SLC7A9: variants seen among roughly 807,000 people sequenced by gnomAD.
SLC7A9 encodes solute carrier family 7 member 9, also known as B(0,+)-type amino acid transporter 1.
SLC7A9 carries 38 observed loss-of-function variants against 54.1 expected under a neutral mutation model. The ratio of observed to expected loss-of-function variants is 0.70; its 90% confidence interval spans 0.54 to 0.92. The LOEUF (loss-of-function observed/expected upper bound fraction) is 0.92, where lower values mean the gene tolerates loss of function less well. Among genes scored for constraint, SLC7A9 ranks in the 40% least tolerant of loss-of-function variants. The pLI is 0.00. For missense variants in SLC7A9, 537 were observed against 636.1 expected (o/e 0.84, Z 1.68); for synonymous variants, 264 against 258.9 (o/e 1.02, Z -0.19).
chr19:32,849,266 A>C (rs1968392930), intron 9 of SLC7A9, among the ~76,000 whole-genome samples: 1 of 152,212 alleles, frequency 6.6e-6, no homozygotes, highest in African/African-American at 2.4e-5. Flanking sequence ...TGAAAGGATC[A>C]ACAAAATTGA....
At chr19:32,857,574 G>T (rs769786071) in intron 9 of SLC7A9, among the ~76,000 whole-genome samples, 4 of 152,324 alleles carry the variant, frequency 2.6e-5, no homozygotes, top group Non-Finnish European at 5.9e-5. Context: ...GGCTTTAGAA[G>T]AATGATTTTA....
chr19:32,841,185 G>A (rs1968117170), intron 11 of SLC7A9, among the ~76,000 whole-genome samples: 1 of 152,084 alleles, frequency 6.6e-6, no homozygotes, highest in African/African-American at 2.4e-5. Context: ...CCTTATTCTC[G>A]TCCTAGTTAC....
At chr19:32,831,554 C>T (rs1363171390) in intron 12 of SLC7A9, among the ~76,000 whole-genome samples, 4 of 152,182 alleles carry the variant, frequency 2.6e-5, no homozygotes. Context: ...TCCCAAAGTG[C>T]TGGGATTACA....
chr19:32,838,722 TTGTA>T (rs1490278052), intron 11 of SLC7A9, among the ~76,000 whole-genome samples: 2 of 148,248 alleles, frequency 1.3e-5, no homozygotes, highest in African/African-American at 4.9e-5. Flanking sequence ...GTATATGTAT[TTGTA>T]TGTATAACAG....
At position 32,862,450 on chromosome 19, in the gene SLC7A9, C is replaced by T; in HGVS notation, c.604+11G>A. ...GTGTGCCCGTGCAGGGCCCACCCTC[C>T]CGTGGGTCACCTTGGGCCAGGAGCA... On this transcript the variant is annotated intron_variant, in intron 5 of 12. Coordinates refer to ENST00000023064, the MANE Select transcript of SLC7A9 (RefSeq NM_014270.5). 6.2e-7 allele frequency: 1 copy of T among 1,612,576 alleles called. No individual in the cohort carries two copies. The highest frequency in any genetic ancestry group is 8.5e-7 in the Non-Finnish European group (1 of 1,179,996).
chr19:32,838,100 G>A (rs138419205), intron 11 of SLC7A9, among the ~76,000 whole-genome samples: 117 of 152,244 alleles, frequency 7.7e-4, no homozygotes, highest in Admixed American at 2.6e-3. Context: ...GAAGCCAAGC[G>A]GCCCTTCTGT....
intron 4 of SLC7A9, 124 bp downstream of exon 4, chr19:32,863,972 G>T: frequency 6.7e-7 from 1 of 1,500,146 alleles, no homozygotes; most frequent in Non-Finnish European, 9.2e-7. Context: ...GTACTGCAAA[G>T]GCTGATGCCA....
In SLC7A9 at chr19:32,864,635, T is replaced by G. The variant is rs766527602; in HGVS notation, c.229A>C (p.Thr77Pro). ...GGCTCCCAAGTCTCTTTACCCAGCG[T>G]CGCGAGGACCCCGCAAGCCGCCCAT... ...IIWAACGVLA[T>P]LGALCFAELG... is the part of the protein sequence containing the mutation. Residue 77 changes from threonine to proline, a missense_variant, in exon 3 of 13, where the codon ACG becomes CCG. Transcript: ENST00000023064. 34 of 1,613,512 alleles carry G rather than the reference T, an allele frequency of 2.1e-5. No homozygotes were observed. The highest frequency in any genetic ancestry group is 2.8e-5 in the Non-Finnish European group (33 of 1,180,004).
At position 32,861,543 on chromosome 19, in the gene SLC7A9, G is replaced by A. The variant is rs145044272; in HGVS notation, c.704+575C>T. 1.9e-3 allele frequency among the ~76,000 whole-genome samples: 287 copies of A among 152,304 alleles called. 1 individual carries two copies. Among genetic ancestry groups the A allele is most frequent in the African/African-American group, 6.4e-3 (267 of 41,566 alleles). ...TCAAGAGCTTGGGGCTGGGCGCAGT[G>A]GCTCACGCCTGTAAACCCAGCACTT... On this transcript the variant is annotated intron_variant, in intron 6 of 12. Transcript: ENST00000023064.
intron 11 of SLC7A9, among the ~76,000 whole-genome samples, chr19:32,835,913 G>GTGTGTGTGTGTGTGTA (rs977760565): frequency 2.0e-5 from 1 of 49,430 alleles, no homozygotes; most frequent in Admixed American, 1.8e-4. Flanking sequence ...GTGTGTGTAT[G>GTGTGTGTGTGTGTGTA]TGTGTGTGTG....
chr19:32,848,652 A>G (rs867528754), intron 9 of SLC7A9, among the ~76,000 whole-genome samples: 16 of 152,338 alleles, frequency 1.1e-4, no homozygotes, highest in Admixed American at 9.8e-4. Context: ...AAGAATACCC[A>G]GGAATTGAAC....
intron 9 of SLC7A9, among the ~76,000 whole-genome samples, chr19:32,857,854 A>G (rs1968672921): frequency 6.6e-6 from 1 of 152,176 alleles, no homozygotes; most frequent in Admixed American, 6.6e-5. Context: ...ATAAAGTTTT[A>G]TTGGAACATG....
rs533114549 is a variant in SLC7A9, at chr19:32,868,558, G to A, written c.-24C>T. On this transcript the variant is annotated 5_prime_UTR_variant, in exon 2 of 13. Transcript: ENST00000023064. ...ATGTTTCCTCCTGCTGGTTCCAGGA[G>A]ACTGCAAGGAGGGCGCACAGCTAAA... 1 of 1,596,704 alleles carries A rather than the reference G, an allele frequency of 6.3e-7. No homozygotes were observed. The highest frequency in any genetic ancestry group is 1.3e-5 in the African/African-American group (1 of 74,714).
In SLC7A9 at chr19:32,860,601, G is replaced by A. The variant is rs750421080; in HGVS notation, c.749+5C>T. On this transcript the variant is annotated splice_donor_5th_base_variant and intron_variant, in intron 7 of 12. Coordinates refer to ENST00000023064, the MANE Select transcript of SLC7A9 (RefSeq NM_014270.5). Reference sequence around the variant, plus strand: ...TACTGTCCTCTGCACTGATTCAGCTGTTACCTGTAAGGGTTTCTAAGTTCT... The same window carrying A: ...TACTGTCCTCTGCACTGATTCAGCTATTACCTGTAAGGGTTTCTAAGTTCT... 3.1e-6 allele frequency: 5 copies of A among 1,614,134 alleles called. No individual in the cohort carries two copies. The Admixed American group carries it at 8.3e-5, about 27-fold the overall frequency.
Position 32,833,195 on chromosome 19 carries a change from GTAAAA to G in SLC7A9, c.1348_1352del (p.Phe450LeufsTer36). The G allele has an allele frequency of 1.2e-6, 2 of 1,614,160 alleles. No homozygotes were observed. Among genetic ancestry groups the G allele is most frequent in the Non-Finnish European group, 1.7e-6 (2 of 1,180,010 alleles). On this transcript the variant is annotated frameshift_variant, in exon 12 of 13. Coordinates refer to ENST00000023064, the MANE Select transcript of SLC7A9 (RefSeq NM_014270.5). LOFTEE classifies it high-confidence loss of function. The stretch of plus-strand genomic sequence containing the variant: ...CAAACTTGTAGTGGACAAACAGGAA[GTAAAA>G]TAAAAGGCCGCTTAATATAAACAGC...
At chr19:32,836,550 G>T (rs1395849078) in intron 11 of SLC7A9, among the ~76,000 whole-genome samples, 1 of 152,162 alleles carries the variant, frequency 6.6e-6, no homozygotes, top group Non-Finnish European at 1.5e-5. Flanking sequence ...TCAGTTTTCA[G>T]ACAGGTCCCA....
chr19:32,866,302 C>T (rs1014604148), intron 2 of SLC7A9, among the ~76,000 whole-genome samples: 1 of 152,210 alleles, frequency 6.6e-6, no homozygotes, highest in Non-Finnish European at 1.5e-5. Context: ...CTCATCTCAG[C>T]CCTGCCCAGG....
chr19:32,844,045 C>A, intron 9 of SLC7A9, 94 bp from the exon 10 acceptor site: 1 of 910,260 alleles, frequency 1.1e-6, no homozygotes, highest in Non-Finnish European at 1.8e-6. Context: ...ACCAAGGAGC[C>A]CTCGGGAGGC....
At chr19:32,864,602 C>T (rs1221653718) in intron 3 of SLC7A9, 27 bp downstream of exon 3, 2 of 1,610,830 alleles carry the variant, frequency 1.2e-6, no homozygotes, top group African/African-American at 1.3e-5. Flanking sequence ...GCTTCCGGGG[C>T]TGCAACAGGC....
Sources: allele counts gnomAD v4.1 joint callset (sites outside exome capture counted in the v4.1 genomes callset), GRCh38; gene constraint gnomAD v4.1.1; transcripts MANE v1.5; gene names NCBI Gene and HGNC (gene_info 2026-07-23, HGNC 2026-07-21).